The following SLC4A7 variants were observed in gnomAD, a reference collection of about 807,000 sequenced individuals.
SLC4A7 encodes the protein solute carrier family 4 member 7.
Under a neutral mutation model 137.6 loss-of-function variants are expected in SLC4A7, and 51 were observed. That is an observed-to-expected ratio of 0.37 (90% confidence interval 0.30 to 0.47). The LOEUF (loss-of-function observed/expected upper bound fraction) is 0.47. SLC4A7 is among the 20% of genes least tolerant of loss of function. The probability of loss-of-function intolerance (pLI) is 1.00; values close to 1 mark genes in which losing one functional copy is unlikely to be tolerated. For synonymous variants in SLC4A7, 542 were observed against 518.6 expected, an observed-to-expected ratio of 1.05 and a Z score of -0.61; for missense variants, 1,247 against 1,525.4, an observed-to-expected ratio of 0.82 and a Z score of 3.04.
At chr3:27,395,243 A>T in intron 18 of SLC4A7, 128 bp from the exon 19 acceptor site, 1 of 583,514 alleles carries the variant, frequency 1.7e-6, no homozygotes, top group South Asian at 3.5e-5. Context: ...CTTGAACTAC[A>T]TGGTGAATTA....
chr3:27,424,787 C>A (rs931497051), intron 7 of SLC4A7, among the ~76,000 whole-genome samples: 1 of 152,116 alleles, frequency 6.6e-6, no homozygotes, highest in Admixed American at 6.6e-5. Context: ...AGTTTTATAA[C>A]CAAAGGGATC....
intron 24 of SLC4A7, 63 bp from the exon 25 acceptor site, chr3:27,379,419 T>A: frequency 1.3e-6 from 1 of 797,704 alleles, no homozygotes; most frequent in Non-Finnish European, 2.1e-6. Context: ...ATATTGTCAT[T>A]CTTATTATCT....
intron 2 of SLC4A7, among the ~76,000 whole-genome samples, chr3:27,449,136 C>A (rs9822816): frequency 7.5e-4 from 114 of 151,722 alleles, no homozygotes; most frequent in African/African-American, 2.7e-3. Flanking sequence ...TCCTGACCTC[C>A]TGATCCGCCC....
chr3:27,474,493 C>T (rs1448426446), intron 1 of SLC4A7, among the ~76,000 whole-genome samples: 1 of 152,048 alleles, frequency 6.6e-6, no homozygotes, highest in East Asian at 1.9e-4. Context: ...AGGCAGATCA[C>T]GAGGTCAGGA....
chr3:27,418,630 A>T lies in SLC4A7; in HGVS notation c.1515T>A (p.Ile505=), dbSNP rs774146452. 1.0e-5 allele frequency: 16 copies of T among 1,563,204 alleles called. No individual in the cohort carries two copies. Among genetic ancestry groups the T allele is most frequent in the Non-Finnish European group, 1.2e-5 (14 of 1,147,716 alleles). ...TTGCTTTATAAGCTACATCATGGAA[A>T]ATCTAAGTGAAAAAAATATTGAGTA... The part of the protein sequence containing the change: ...RSIATLMTDE[I]FHDVAYKAKD... Residue 505 remains isoleucine (I), a splice_region_variant and synonymous_variant, in exon 11 of 26, where the codon ATT becomes ATA. Coordinates refer to ENST00000454389, the MANE Select transcript of SLC4A7 (RefSeq NM_001321103.2).
At chr3:27,380,871 G>C (rs2050353154) in intron 24 of SLC4A7, among the ~76,000 whole-genome samples, 1 of 152,184 alleles carries the variant, frequency 6.6e-6, no homozygotes, top group Non-Finnish European at 1.5e-5. Context: ...CTTCAAATAA[G>C]TGAAGAAAGG....
chr3:27,466,189 C>G (rs1228281147), intron 1 of SLC4A7, among the ~76,000 whole-genome samples: 1 of 151,232 alleles, frequency 6.6e-6, no homozygotes, highest in Non-Finnish European at 1.5e-5. Flanking sequence ...CGGTGGCTCA[C>G]GCCTGTAATC....
At chr3:27,416,656 CAT>C (rs2054414731) in intron 11 of SLC4A7, among the ~76,000 whole-genome samples, 1 of 152,088 alleles carries the variant, frequency 6.6e-6, no homozygotes, top group African/African-American at 2.4e-5. Flanking sequence ...AGTTCAAACT[CAT>C]ATTGTTCAAG....
At chr3:27,421,874 T>C (rs2055014675) in intron 8 of SLC4A7, 95 bp from the exon 9 acceptor site, 3 of 850,742 alleles carry the variant, frequency 3.5e-6, no homozygotes, top group Non-Finnish European at 5.4e-6. Flanking sequence ...AGACTACTAT[T>C]TGCTAATCAA....
In SLC4A7 at chr3:27,437,446, C is replaced by A. The variant is rs1347356071; in HGVS notation, c.370G>T (p.Glu124Ter). The change falls in exon 4 of 26, where the codon GAA becomes TAA. Residue 124 changes from glutamate to a stop codon, truncating the protein, a stop_gained. Coordinates refer to ENST00000454389, the MANE Select transcript of SLC4A7 (RefSeq NM_001321103.2). LOFTEE classifies it high-confidence loss of function. ...TCTCTGTAACACAGTTCATCCATTTCCGTGAAGAGATCATGGGGAATATGT... is the reference window on the plus strand; with the variant it reads ...TCTCTGTAACACAGTTCATCCATTTACGTGAAGAGATCATGGGGAATATGT... ...EEHIPHDLFT[E>*]MDELCYRDGE... 6.2e-7 allele frequency: 1 copy of A among 1,602,856 alleles called. No individual in the cohort carries two copies.
At chr3:27,427,614 T>C (rs1468610168) in intron 7 of SLC4A7, among the ~76,000 whole-genome samples, 1 of 152,146 alleles carries the variant, frequency 6.6e-6, no homozygotes, top group Non-Finnish European at 1.5e-5. Context: ...TGAGACATAA[T>C]GATGCTGAGG....
intron 22 of SLC4A7, among the ~76,000 whole-genome samples, chr3:27,386,823 T>C (rs994731626): frequency 6.6e-6 from 1 of 151,980 alleles, no homozygotes; most frequent in Non-Finnish European, 1.5e-5. Flanking sequence ...TTTTACATTT[T>C]CCACTACAAT....
chr3:27,421,710 C>A lies in SLC4A7; in HGVS notation c.1336G>T (p.Asp446Tyr). 1 of 1,613,956 alleles carries A rather than the reference C, an allele frequency of 6.2e-7. No homozygotes were observed. Among genetic ancestry groups the A allele is most frequent in the Non-Finnish European group, 8.5e-7 (1 of 1,179,898 alleles). ...GCAATTATTGGCCTTTCCAAAAAGT[C>A]TACTTCGCCCACCAGGACGTTGGAT... The part of the protein sequence containing the change: ...EASNVLVGEV[D>Y]FLERPIIAFV... Residue 446 changes from aspartate (D) to tyrosine (Y), a missense_variant, in exon 9 of 26, where the codon GAC (aspartate) becomes TAC (tyrosine). Transcript: ENST00000454389.
At chr3:27,464,200 C>T (rs1343375879) in intron 1 of SLC4A7, among the ~76,000 whole-genome samples, 2 of 152,104 alleles carry the variant, frequency 1.3e-5, no homozygotes, top group Non-Finnish European at 2.9e-5. Context: ...GTTTTAATAT[C>T]ACATTGTCAT....
At chr3:27,474,538 G>A (rs11709078) in intron 1 of SLC4A7, among the ~76,000 whole-genome samples, 3,376 of 151,402 alleles carry the variant, frequency 0.022, 91 homozygotes, top group South Asian at 0.11. Flanking sequence ...AGTGAAACCC[G>A]GTCCCTACTA....
intron 12 of SLC4A7, among the ~76,000 whole-genome samples, chr3:27,410,342 A>G (rs1014165728): frequency 6.6e-6 from 1 of 152,174 alleles, no homozygotes; most frequent in Non-Finnish European, 1.5e-5. Context: ...TAGGCACTCA[A>G]CAAACACTGG....
At chr3:27,385,814 G>A (rs2050882651) in intron 23 of SLC4A7, 78 bp downstream of exon 23, 1 of 956,166 alleles carries the variant, frequency 1.0e-6, no homozygotes, top group East Asian at 2.6e-5. Context: ...CATGTAAAGT[G>A]ATTATAATGG....
chr3:27,431,668 C>A lies in SLC4A7; in HGVS notation c.780G>T (p.Gly260=). 1.3e-6 allele frequency: 2 copies of A among 1,534,138 alleles called. No individual in the cohort carries two copies. The highest frequency in any genetic ancestry group is 1.3e-5 in the South Asian group (1 of 78,682). Residue 260 remains glycine, a splice_region_variant and synonymous_variant, in exon 7 of 26, where the codon GGG becomes GGT. Coordinates refer to ENST00000454389, the MANE Select transcript of SLC4A7 (RefSeq NM_001321103.2). ...HSDPHLLERN[G]EGLSASRHSL... ...AGTGGCGGGAGGCTGAAAGGCCTTCCCCTGAGATAAAACAAATAAATGAAA... is the reference window on the plus strand; with the variant it reads ...AGTGGCGGGAGGCTGAAAGGCCTTCACCTGAGATAAAACAAATAAATGAAA...
At chr3:27,445,424 T>C (rs992155805) in intron 3 of SLC4A7, among the ~76,000 whole-genome samples, 6 of 152,134 alleles carry the variant, frequency 3.9e-5, no homozygotes, top group Non-Finnish European at 8.8e-5. Context: ...CAGGTCATCA[T>C]AGGTATTCTC....
Sources: allele counts gnomAD v4.1 joint callset (sites outside exome capture counted in the v4.1 genomes callset), GRCh38; gene constraint gnomAD v4.1.1; transcripts MANE v1.5; gene names NCBI Gene and HGNC (gene_info 2026-07-23, HGNC 2026-07-21).